Variants in RAI14 observed in about 807,000 individuals in gnomAD.
The protein encoded by RAI14 is ankycorbin.
RAI14 carries 45 observed loss-of-function variants against 115.4 expected under a neutral mutation model. The ratio of observed to expected loss-of-function variants is 0.39; its 90% CI spans 0.31 to 0.50. The LOEUF (loss-of-function observed/expected upper bound fraction) is 0.50, where lower values mean the gene tolerates loss of function less well. RAI14 is among the 20% of genes least tolerant of loss of function. The pLI, the probability that RAI14 is intolerant of heterozygous loss-of-function variation, is 0.85. For synonymous variants in RAI14, 371 were observed against 415.4 expected (o/e 0.89, Z 1.30); for missense variants, 939 against 1,131.2 (o/e 0.83, Z 2.44).
rs774663573 is a variant in RAI14, at chr5:34,823,731, T to C, written c.1889T>C (p.Met630Thr). 1 of 1,614,000 alleles carries C rather than the reference T, an allele frequency of 6.2e-7. No homozygotes were observed. Among genetic ancestry groups the C allele is most frequent in the Non-Finnish European group, 8.5e-7 (1 of 1,180,016 alleles). The change falls in exon 15 of 18, where the codon ATG becomes ACG. Residue 630 changes from methionine (M) to threonine (T), a missense_variant. Met to Thr is a moderately conservative substitution (Grantham distance 81, BLOSUM62 -1). Transcript: ENST00000265109. This position sits in a 1 kb window ranked among gnomAD's most constrained non-coding sequence, Gnocchi z 4.5. ...GAAGCCAGTGATGAAGCTGAGGACA[T>C]GAAAGAAGCCATGAATAGGATGATA... ...TQEASDEAED[M>T]KEAMNRMIDE...
At position 34,745,733 on chromosome 5, in the gene RAI14, C is replaced by T. The variant is rs1440500374; in HGVS notation, c.37-11735C>T. ...TTTCTCTATGGAGTTACAAATGCTG[C>T]TCCCAGCTGGACCTTTGGAGCTGTT... On this transcript the variant is annotated intron_variant, in intron 2 of 17. Transcript: ENST00000265109. 2.0e-5 allele frequency among the ~76,000 whole-genome samples: 3 copies of T among 152,294 alleles called. No homozygotes were observed. The East Asian group carries it at 5.8e-4, about 29-fold the overall frequency.
At chr5:34,761,224 T>C (rs1748608608) in intron 3 of RAI14, among the ~76,000 whole-genome samples, 1 of 152,218 alleles carries the variant, frequency 6.6e-6, no homozygotes, top group African/African-American at 2.4e-5. Context: ...TCTCACTCTG[T>C]CACCCAGGCT....
At chr5:34,662,490 T>C (rs1173007830) in intron 1 of RAI14, among the ~76,000 whole-genome samples, 1 of 152,154 alleles carries the variant, frequency 6.6e-6, no homozygotes. Context: ...AAAAGGAGTC[T>C]AGATTTTTTT....
chr5:34,793,644 A>G (rs1460830825), intron 3 of RAI14, among the ~76,000 whole-genome samples: 1 of 152,202 alleles, frequency 6.6e-6, no homozygotes, highest in African/African-American at 2.4e-5. Flanking sequence ...AGATAAATAT[A>G]ATTGATTGAT....
chr5:34,786,232 T>C (rs1752280673), intron 3 of RAI14, among the ~76,000 whole-genome samples: 2 of 152,142 alleles, frequency 1.3e-5, no homozygotes, highest in South Asian at 4.1e-4. Flanking sequence ...GGGGGGTGTA[T>C]CCTAACAGGG....
At chr5:34,781,945 C>T (rs1431458688) in intron 3 of RAI14, among the ~76,000 whole-genome samples, 1 of 152,156 alleles carries the variant, frequency 6.6e-6, no homozygotes, top group Non-Finnish European at 1.5e-5. Context: ...GCAAGCCAGT[C>T]ATGAGATTTA....
intron 3 of RAI14, among the ~76,000 whole-genome samples, chr5:34,772,177 T>G (rs948083796): frequency 6.6e-6 from 1 of 152,190 alleles, no homozygotes; most frequent in Non-Finnish European, 1.5e-5. Context: ...CCTCCCAAAG[T>G]GCTGGGATTA....
chr5:34,740,769 G>A lies in RAI14; in HGVS notation c.37-16699G>A, dbSNP rs554741077. Among the ~76,000 whole-genome samples the A allele has an allele frequency of 9.3e-4, 141 of 152,264 alleles. 2 individuals are homozygous for A. Among genetic ancestry groups the A allele is most frequent in the African/African-American group, 3.3e-3 (137 of 41,546 alleles). ...TGCTGACCTCTGCCTTTAGACACCAGGCAGAAGTGATTTCTTGGAACTAGA... is the reference window on the plus strand; with the variant it reads ...TGCTGACCTCTGCCTTTAGACACCAAGCAGAAGTGATTTCTTGGAACTAGA... On this transcript the variant is annotated intron_variant, in intron 2 of 17. Transcript: ENST00000265109.
chr5:34,729,572 T>C (rs1291351818), intron 2 of RAI14, among the ~76,000 whole-genome samples: 1 of 152,236 alleles, frequency 6.6e-6, no homozygotes, highest in African/African-American at 2.4e-5. Flanking sequence ...GTTGCCAAAA[T>C]ATTCAACTTG....
intron 2 of RAI14, among the ~76,000 whole-genome samples, chr5:34,692,854 A>C (rs1198591662): frequency 6.6e-6 from 1 of 152,130 alleles, no homozygotes; most frequent in East Asian, 1.9e-4. Flanking sequence ...GAAACTAAAG[A>C]AATGTATTGT....
chr5:34,756,471 AGT>A (rs1159237766), intron 2 of RAI14, among the ~76,000 whole-genome samples: 1 of 152,144 alleles, frequency 6.6e-6, no homozygotes, highest in East Asian at 1.9e-4. Flanking sequence ...GGGGCCAGAA[AGT>A]GGGCTTAGCT....
chr5:34,776,622 A>C (rs2150146165), intron 3 of RAI14, among the ~76,000 whole-genome samples: 1 of 152,220 alleles, frequency 6.6e-6, no homozygotes, highest in Non-Finnish European at 1.5e-5. Context: ...CCTGGGCAAC[A>C]TGGCAAAAAC....
intron 2 of RAI14, among the ~76,000 whole-genome samples, chr5:34,741,472 G>T (rs1170606890): frequency 6.6e-6 from 1 of 152,174 alleles, no homozygotes; most frequent in African/African-American, 2.4e-5. Flanking sequence ...GAAATAGATG[G>T]CAGGGAGCAA....
At chr5:34,814,727 C>A in intron 12 of RAI14, 58 bp downstream of exon 12, 1 of 1,332,440 alleles carries the variant, frequency 7.5e-7, no homozygotes, top group Non-Finnish European at 1.1e-6. Flanking sequence ...GATAGACTTG[C>A]TTTAAGTTAT....
chr5:34,708,561 A>T (rs1051528019), intron 2 of RAI14, among the ~76,000 whole-genome samples: 10 of 152,316 alleles, frequency 6.6e-5, no homozygotes, highest in African/African-American at 2.4e-4. Flanking sequence ...GTCAGCAGTT[A>T]AAAAATTGTC....
In RAI14 at chr5:34,687,725, A is replaced by G. The variant is rs2279603; in HGVS notation, c.36+770A>G. 2.4e-3 allele frequency: 3,801 copies of G among 1,551,476 alleles called. 108 individuals carry two copies. The East Asian group carries it at 0.063, about 26-fold the overall frequency. ...AAGGGAATTAGATGGAAGCCAAGGTATGTCACTCTCAAAATGGGCTTGTTC... is the reference window on the plus strand; with the variant it reads ...AAGGGAATTAGATGGAAGCCAAGGTGTGTCACTCTCAAAATGGGCTTGTTC... On this transcript the variant is annotated intron_variant, in intron 2 of 17. Transcript: ENST00000265109.
intron 2 of RAI14, among the ~76,000 whole-genome samples, chr5:34,710,108 T>G (rs757924118): frequency 3.3e-5 from 5 of 152,224 alleles, no homozygotes; most frequent in African/African-American, 4.8e-5. Context: ...TGTATTCATT[T>G]GTTAGGGCTG....
intron 2 of RAI14, among the ~76,000 whole-genome samples, chr5:34,704,494 C>T (rs1162393257): frequency 1.3e-5 from 2 of 152,202 alleles, no homozygotes; most frequent in East Asian, 1.9e-4. Flanking sequence ...GTATACCCTA[C>T]TTAACTATCT....
chr5:34,705,091 G>A (rs980685444), intron 2 of RAI14, among the ~76,000 whole-genome samples: 10 of 151,978 alleles, frequency 6.6e-5, no homozygotes, highest in African/African-American at 2.4e-4. Context: ...ACCATGCCTG[G>A]CTAATTTTAT....
Sources: gnomAD v4.1 joint callset for allele counts (sites outside exome capture counted in the v4.1 genomes callset) on GRCh38, gnomAD v4.1.1 for gene constraint, Gnocchi (gnomAD v3.1) non-coding constraint, MANE v1.5 for transcripts, NCBI Gene and HGNC (gene_info 2026-07-23, HGNC 2026-07-21) for gene names.